Variants in SLC9A9 observed in about 807,000 individuals in gnomAD.
The protein encoded by SLC9A9 is sodium/hydrogen exchanger 9.
Under a neutral mutation model 77.8 loss-of-function variants are expected in SLC9A9, and 62 were observed. The ratio of observed to expected loss-of-function variants is 0.80; its 90% confidence interval spans 0.65 to 0.98. The LOEUF is 0.98. SLC9A9 is among the 50% of genes least tolerant of loss of function. SLC9A9 has a pLI of 0.00. For missense variants in SLC9A9, 775 were observed against 774.9 expected (o/e 1.00, Z 0.00); for synonymous variants, 320 against 283.5 (o/e 1.13, Z -1.29).
intron 6 of SLC9A9, among the ~76,000 whole-genome samples, chr3:143,647,361 G>T (rs890509795): frequency 6.6e-6 from 1 of 152,144 alleles, no homozygotes; most frequent in African/African-American, 2.4e-5. Flanking sequence ...TTTTTTTGTA[G>T]TGGGTTTTTG....
chr3:143,417,972 C>T (rs900275583), intron 12 of SLC9A9, among the ~76,000 whole-genome samples: 6 of 151,800 alleles, frequency 4.0e-5, no homozygotes, highest in Admixed American at 2.6e-4. Context: ...TCCCATTCTA[C>T]GTGGTTACTC....
At chr3:143,342,735 A>G (rs1438843669) in intron 14 of SLC9A9, among the ~76,000 whole-genome samples, 1 of 152,208 alleles carries the variant, frequency 6.6e-6, no homozygotes, top group African/African-American at 2.4e-5. Flanking sequence ...AGACTGAGAA[A>G]ACTGAAAATG....
rs1224152493 is a variant in SLC9A9, at chr3:143,479,077, G to A, written c.1316-11887C>T. Reference sequence around the variant, plus strand: ...AGAGGCTGGCATGTTCCTGTTGTCTGCACCACCTCAATACGTAGGACGGTC... The same window carrying A: ...AGAGGCTGGCATGTTCCTGTTGTCTACACCACCTCAATACGTAGGACGGTC... On this transcript the variant is annotated intron_variant, in intron 11 of 15. Coordinates refer to ENST00000316549, the MANE Select transcript of SLC9A9 (RefSeq NM_173653.4). Among the ~76,000 whole-genome samples, 7 of 152,134 alleles carry A rather than the reference G, an allele frequency of 4.6e-5. No individual in the cohort carries two copies. The East Asian group carries it at 1.2e-3, about 25-fold the overall frequency.
At chr3:143,281,557 T>C (rs1380065888) in intron 14 of SLC9A9, among the ~76,000 whole-genome samples, 1 of 152,038 alleles carries the variant, frequency 6.6e-6, no homozygotes, top group African/African-American at 2.4e-5. Flanking sequence ...TCCCAACTCT[T>C]TGGGATGAGT....
intron 6 of SLC9A9, among the ~76,000 whole-genome samples, chr3:143,588,228 G>A (rs2037579412): frequency 1.3e-5 from 2 of 152,154 alleles, no homozygotes. Flanking sequence ...GGCCTCAAGG[G>A]TCCTCCCACC....
At chr3:143,674,450 A>C (rs76402888) in intron 5 of SLC9A9, among the ~76,000 whole-genome samples, 4,954 of 152,282 alleles carry the variant, frequency 0.033, 253 homozygotes, top group African/African-American at 0.11. Context: ...AGGCAATTTC[A>C]CAGGGCCTCT....
intron 12 of SLC9A9, among the ~76,000 whole-genome samples, chr3:143,393,500 A>G (rs2033622153): frequency 6.6e-6 from 1 of 152,248 alleles, no homozygotes; most frequent in African/African-American, 2.4e-5. Context: ...AAAAAGGAGG[A>G]AAGATCTAAA....
intron 6 of SLC9A9, among the ~76,000 whole-genome samples, chr3:143,651,516 T>C (rs2038794915): frequency 6.6e-6 from 1 of 152,250 alleles, no homozygotes; most frequent in Non-Finnish European, 1.5e-5. Flanking sequence ...TTTTGTCACA[T>C]TGAATTATCA....
intron 4 of SLC9A9, among the ~76,000 whole-genome samples, chr3:143,718,389 T>G (rs770583560): frequency 1.3e-5 from 2 of 151,482 alleles, no homozygotes; most frequent in Middle Eastern, 6.8e-3. Context: ...GTTTCATGAT[T>G]TTTTTGAAAC....
chr3:143,695,769 A>G (rs1265454716), intron 4 of SLC9A9, among the ~76,000 whole-genome samples: 1 of 152,152 alleles, frequency 6.6e-6, no homozygotes, highest in Non-Finnish European at 1.5e-5. Flanking sequence ...TGTCTTCCAC[A>G]GTGGTTGAAC....
At chr3:143,293,945 C>T (rs761178586) in intron 14 of SLC9A9, among the ~76,000 whole-genome samples, 1 of 152,140 alleles carries the variant, frequency 6.6e-6, no homozygotes, top group Non-Finnish European at 1.5e-5. Flanking sequence ...AAATAAATCT[C>T]ATACACATCT....
At chr3:143,296,656 A>T (rs1210702502) in intron 14 of SLC9A9, among the ~76,000 whole-genome samples, 5 of 152,212 alleles carry the variant, frequency 3.3e-5, no homozygotes, top group Admixed American at 6.5e-5. Context: ...CCAACACTGT[A>T]CAAGGGTTAC....
At chr3:143,474,510 T>C (rs1576521691) in intron 11 of SLC9A9, among the ~76,000 whole-genome samples, 1 of 152,056 alleles carries the variant, frequency 6.6e-6, no homozygotes, top group East Asian at 1.9e-4. Context: ...TGAATGTATG[T>C]CAAAGGTTGA....
chr3:143,309,605 C>T (rs1343131020), intron 14 of SLC9A9, among the ~76,000 whole-genome samples: 5 of 152,122 alleles, frequency 3.3e-5, no homozygotes, highest in African/African-American at 7.2e-5. Flanking sequence ...CCTTTCTTCT[C>T]ATGTTTCTGT....
Position 143,266,295 on chromosome 3 carries a change from C to CA in SLC9A9, c.*406dup. Reference sequence around the variant, plus strand: ...AGCTTAGGAGCAAAATGTTTACTCTCAGAAGCTTTCTTTTATTTTTAAACT... The same window carrying CA: ...AGCTTAGGAGCAAAATGTTTACTCTCAAGAAGCTTTCTTTTATTTTTAAACT... On this transcript the variant is annotated 3_prime_UTR_variant, in exon 16 of 16. Coordinates refer to ENST00000316549, the MANE Select transcript of SLC9A9 (RefSeq NM_173653.4). 1.7e-6 allele frequency: 1 copy of CA among 585,354 alleles called. No individual in the cohort carries two copies. The highest frequency in any genetic ancestry group is 3.0e-6 in the Non-Finnish European group (1 of 330,090). 36.3% of individuals were successfully genotyped at this position (585,354 alleles called of 1,614,324 possible). A position where few individuals can be genotyped will look rare whatever the true frequency, so the allele number is the denominator to read the frequency against.
intron 4 of SLC9A9, among the ~76,000 whole-genome samples, chr3:143,744,544 A>G (rs761746294): frequency 1.3e-5 from 2 of 152,186 alleles, no homozygotes; most frequent in Non-Finnish European, 2.9e-5. Context: ...GCTACTCAGC[A>G]GCCTGCCTAA....
At chr3:143,705,336 T>C (rs1933942320) in intron 4 of SLC9A9, among the ~76,000 whole-genome samples, 1 of 151,948 alleles carries the variant, frequency 6.6e-6, no homozygotes, top group South Asian at 2.1e-4. Flanking sequence ...TGTGGATGGT[T>C]AATGGGTACA....
At chr3:143,371,332 G>A (rs2033054508) in intron 13 of SLC9A9, among the ~76,000 whole-genome samples, 1 of 152,146 alleles carries the variant, frequency 6.6e-6, no homozygotes, top group African/African-American at 2.4e-5. Context: ...TAATGACCAT[G>A]CCCTAAAACC....
At chr3:143,278,326 G>C (rs1353944898) in intron 14 of SLC9A9, among the ~76,000 whole-genome samples, 2 of 152,178 alleles carry the variant, frequency 1.3e-5, no homozygotes, top group African/African-American at 4.8e-5. Context: ...TGCTCAGTTT[G>C]AGCCAAAGTC....
Sources: allele counts gnomAD v4.1 joint callset (sites outside exome capture counted in the v4.1 genomes callset), GRCh38; gene constraint gnomAD v4.1.1; transcripts MANE v1.5; gene names NCBI Gene and HGNC (gene_info 2026-07-23, HGNC 2026-07-21).